Variants in SLAMF1 observed in about 807,000 individuals in gnomAD.
The protein encoded by SLAMF1 is signaling lymphocytic activation molecule.
SLAMF1 carries 18 observed loss-of-function variants against 35.1 expected under a neutral mutation model. The observed-to-expected ratio is 0.51, with a 90% CI of 0.35 to 0.76. The LOEUF is 0.76. SLAMF1 is among the 30% of genes least tolerant of loss of function. The probability of loss-of-function intolerance (pLI) is 0.01; values close to 1 mark genes in which losing one functional copy is unlikely to be tolerated. For synonymous variants in SLAMF1, 168 were observed against 157.2 expected (o/e 1.07, Z -0.51); for missense variants, 392 against 413.0 (o/e 0.95, Z 0.44).
chr1:160,611,818 A>G (rs1401212561), intron 6 of SLAMF1, among the ~76,000 whole-genome samples: 3 of 152,164 alleles, frequency 2.0e-5, no homozygotes, highest in East Asian at 1.9e-4. Context: ...GAGTCTAGGC[A>G]TGAGCATTTT....
At chr1:160,635,842 G>A (rs1179738704) in intron 2 of SLAMF1, among the ~76,000 whole-genome samples, 2 of 151,860 alleles carry the variant, frequency 1.3e-5, no homozygotes, top group Non-Finnish European at 2.9e-5. Flanking sequence ...GCCTCCCAAA[G>A]TGCTGAGATT....
At position 160,628,496 on chromosome 1, in the gene SLAMF1, T is replaced by C. The variant is rs564973536; in HGVS notation, c.701-4311A>G. ...AAGAGGAATTCTAGTAGCAGTTCCT[T>C]GATTATAATATGTTTCTTTAAATAT... is the stretch of plus-strand genomic sequence containing the variant. On this transcript the variant is annotated intron_variant, in intron 3 of 6. Transcript: ENST00000302035. Among the ~76,000 whole-genome samples the C allele has an allele frequency of 3.2e-4, 48 of 152,336 alleles. 1 individual carries two copies. Among genetic ancestry groups the C allele is most frequent in the African/African-American group, 9.6e-4 (40 of 41,570 alleles).
At position 160,634,913 on chromosome 1, in the gene SLAMF1, G is replaced by A. The variant is rs766551195; in HGVS notation, c.416-16C>T. On this transcript the variant is annotated splice_polypyrimidine_tract_variant and intron_variant, in intron 2 of 6. Transcript: ENST00000302035. ...GAGACCTGCTCTGTCAGGAGTGGGA[G>A]GAAGGGAGCCATCACTGAAGTGAAC... 3.8e-6 allele frequency: 6 copies of A among 1,593,824 alleles called. No homozygotes were observed. Among genetic ancestry groups the A allele is most frequent in the African/African-American group, 1.3e-5 (1 of 74,290 alleles).
intron 2 of SLAMF1, among the ~76,000 whole-genome samples, chr1:160,635,837 C>T (rs1660427266): frequency 6.6e-6 from 1 of 152,046 alleles, no homozygotes; most frequent in African/African-American, 2.4e-5. Flanking sequence ...CCTCGGCCTC[C>T]CAAAGTGCTG....
At chr1:160,625,128 A>G (rs1161238791) in intron 3 of SLAMF1, among the ~76,000 whole-genome samples, 2 of 152,250 alleles carry the variant, frequency 1.3e-5, no homozygotes, top group African/African-American at 4.8e-5. Flanking sequence ...TGAATACTAA[A>G]GACAGACTTC....
chr1:160,622,458 A>G (rs1360289137), intron 4 of SLAMF1, among the ~76,000 whole-genome samples: 1 of 152,158 alleles, frequency 6.6e-6, no homozygotes, highest in Non-Finnish European at 1.5e-5. Context: ...AATATTTTCA[A>G]TCTGTTCTAG....
At chr1:160,634,575 C>A in intron 3 of SLAMF1, 38 bp downstream of exon 3, 1 of 1,557,112 alleles carries the variant, frequency 6.4e-7, no homozygotes, top group Non-Finnish European at 8.7e-7. Flanking sequence ...AGCCCATGCT[C>A]ATTAAGGTGG....
Position 160,641,782 on chromosome 1 carries a change from A to G in SLAMF1, c.77-4253T>C, listed in dbSNP as rs566560159. The stretch of plus-strand genomic sequence containing the variant: ...CCTCGAGTGGCGTCCCTGCTCCTGA[A>G]ACATCCTGCTAGATGAGTGTTTTCC... On this transcript the variant is annotated intron_variant, in intron 1 of 6. Transcript: ENST00000302035. 2.0e-5 allele frequency among the ~76,000 whole-genome samples: 3 copies of G among 152,282 alleles called. No individual in the cohort carries two copies. The South Asian group carries it at 6.2e-4, about 32-fold the overall frequency.
At chr1:160,636,994 A>G (rs1234498277) in intron 2 of SLAMF1, 197 bp downstream of exon 2, 3 of 587,038 alleles carry the variant, frequency 5.1e-6, no homozygotes, top group Non-Finnish European at 9.1e-6. Context: ...ATCAGCTACC[A>G]TCAATATGCA....
chr1:160,608,929 T>C lies in SLAMF1; in HGVS notation c.*1819A>G, dbSNP rs907701871. On this transcript the variant is annotated 3_prime_UTR_variant, in exon 7 of 7. Transcript: ENST00000302035. ...ATTCATAAGAAGTGAAAGTGGAAAA[T>C]GCCAGATATTCAATTCCCAGCCCCC... 1 of 152,160 alleles carries C rather than the reference T, an allele frequency of 6.6e-6. No homozygotes were observed. The highest frequency in any genetic ancestry group is 2.4e-5 in the African/African-American group (1 of 41,438). The allele number at this position is 152,160 out of a possible 1,614,324, so 9.4% of individuals were successfully genotyped here.
At chr1:160,613,262 T>C (rs1047715360) in intron 5 of SLAMF1, among the ~76,000 whole-genome samples, 1 of 152,230 alleles carries the variant, frequency 6.6e-6, no homozygotes, top group African/African-American at 2.4e-5. Flanking sequence ...GTATTTAAAG[T>C]CTAATTTACA....
At chr1:160,615,059 T>C (rs1424560841) in intron 5 of SLAMF1, among the ~76,000 whole-genome samples, 1 of 152,168 alleles carries the variant, frequency 6.6e-6, no homozygotes, top group Non-Finnish European at 1.5e-5. Context: ...TTCATGTTAT[T>C]ATATTCTTTA....
chr1:160,634,874 T>C lies in SLAMF1; in HGVS notation c.439A>G (p.Lys147Glu). Residue 147 changes from lysine to glutamate, a missense_variant, in exon 3 of 7, where the codon AAA becomes GAA. Physicochemically the swap from Lys to Glu is moderately conservative, Grantham distance 56 (BLOSUM62 1). Coordinates refer to ENST00000302035, the MANE Select transcript of SLAMF1 (RefSeq NM_003037.5). ...LYEQVSTPEI[K>E]VLNKTQENGT... ...TTCTCCTGGGTCTTGTTTAAAACTTTAATTTCTGGAGTGGAGACCTGCTCT... is the reference window on the plus strand; with the variant it reads ...TTCTCCTGGGTCTTGTTTAAAACTTCAATTTCTGGAGTGGAGACCTGCTCT... 1 of 1,612,816 alleles carries C rather than the reference T, an allele frequency of 6.2e-7. No individual in the cohort carries two copies. The highest frequency in any genetic ancestry group is 8.5e-7 in the Non-Finnish European group (1 of 1,178,972).
rs1369825707 is a variant in SLAMF1 at position 160,637,535 on chromosome 1, G to T, written c.77-6C>A. 6.2e-7 allele frequency: 1 copy of T among 1,602,572 alleles called. No homozygotes were observed. Among genetic ancestry groups the T allele is most frequent in the South Asian group, 1.1e-5 (1 of 90,848 alleles). On this transcript the variant is annotated splice_polypyrimidine_tract_variant and splice_region_variant and intron_variant, in intron 1 of 6. Transcript: ENST00000302035. ...GCAGTTCATCATGCGCCCACCTGTG[G>T]GAGGGAGGAGAAGAGAGTCCCTTAT...
intron 1 of SLAMF1, among the ~76,000 whole-genome samples, chr1:160,643,057 C>G (rs1411436411): frequency 6.6e-6 from 1 of 151,770 alleles, no homozygotes; most frequent in Non-Finnish European, 1.5e-5. Flanking sequence ...CCACTTCCCC[C>G]TAGGATGATG....
chr1:160,641,483 A>T (rs1164493549), intron 1 of SLAMF1, among the ~76,000 whole-genome samples: 2 of 152,144 alleles, frequency 1.3e-5, no homozygotes, highest in East Asian at 3.8e-4. Flanking sequence ...AAATAAAAAA[A>T]TAAAATAAAC....
rs892671713 is a variant in SLAMF1, at chr1:160,609,360, T to C, written c.*1388A>G. The C allele has an allele frequency of 2.6e-5, 4 of 152,222 alleles. No homozygotes were observed. Among genetic ancestry groups the C allele is most frequent in the African/African-American group, 9.6e-5 (4 of 41,452 alleles). The allele number at this position is 152,222 out of a possible 1,614,324, so 9.4% of individuals were successfully genotyped here. A position where few individuals can be genotyped will look rare whatever the true frequency, so the allele number is the denominator to read the frequency against. ...TAAAAAAGCCAAAGCCAGCTTCTGT[T>C]GATTGCAACTAAGAACTCTATTAAA... is the stretch of plus-strand genomic sequence containing the variant. On this transcript the variant is annotated 3_prime_UTR_variant, in exon 7 of 7. Transcript: ENST00000302035.
At chr1:160,618,954 G>T (rs933556167) in intron 5 of SLAMF1, among the ~76,000 whole-genome samples, 1 of 152,182 alleles carries the variant, frequency 6.6e-6, no homozygotes, top group Non-Finnish European at 1.5e-5. Flanking sequence ...GGGGACAGCA[G>T]AAATAAGAAC....
chr1:160,624,090 A>C lies in SLAMF1; in HGVS notation c.790+6T>G. 1 of 1,578,578 alleles carries C rather than the reference A, an allele frequency of 6.3e-7. No individual in the cohort carries two copies. Among genetic ancestry groups the C allele is most frequent in the East Asian group, 2.3e-5 (1 of 44,162 alleles). ...GATAAGAATCTATTTATTGCCAGAC[A>C]CCTACCTCTTCTTCTCAACTGTAGT... is the stretch of plus-strand genomic sequence containing the variant. On this transcript the variant is annotated splice_donor_region_variant and intron_variant, in intron 4 of 6. Transcript: ENST00000302035.
Sources: gnomAD v4.1 joint callset for allele counts (sites outside exome capture counted in the v4.1 genomes callset) on GRCh38, gnomAD v4.1.1 for gene constraint, MANE v1.5 for transcripts, NCBI Gene and HGNC (gene_info 2026-07-23, HGNC 2026-07-21) for gene names.